HEMK2: variants seen among roughly 807,000 people sequenced by gnomAD.
HEMK2 encodes methyltransferase HEMK2.
chr21:28,658,573 C>A, the HEMK2 span, among the ~76,000 whole-genome samples: 1 of 152,064 alleles, frequency 6.6e-6, no homozygotes, highest in East Asian at 1.9e-4. Context: ...TCCTGCTATT[C>A]TGACTCCTTT....
At chr21:28,696,136 T>G in the HEMK2 span, among the ~76,000 whole-genome samples, 6 of 152,140 alleles carry the variant, frequency 3.9e-5, no homozygotes, top group East Asian at 7.8e-4. Context: ...TCAGATCTTA[T>G]AAGACTTATT....
chr21:28,714,703 T>C, the HEMK2 span, among the ~76,000 whole-genome samples: 2 of 152,210 alleles, frequency 1.3e-5, no homozygotes. Flanking sequence ...GTCACGAGTA[T>C]ATTGCATGAT....
chr21:28,862,552 T>C, the HEMK2 span, among the ~76,000 whole-genome samples: 3 of 130,164 alleles, frequency 2.3e-5, no homozygotes, highest in Non-Finnish European at 4.9e-5. Context: ...GGCAGGAGAA[T>C]GGCGTGAACC....
the HEMK2 span, among the ~76,000 whole-genome samples, chr21:28,880,214 T>C: frequency 6.6e-6 from 1 of 152,214 alleles, no homozygotes; most frequent in Non-Finnish European, 1.5e-5. Context: ...ATATTCTGGG[T>C]TCACTTTTAG....
At chr21:28,667,065 G>T in the HEMK2 span, among the ~76,000 whole-genome samples, 1 of 152,038 alleles carries the variant, frequency 6.6e-6, no homozygotes, top group East Asian at 1.9e-4. Flanking sequence ...CATCTTGTTC[G>T]TAAAGGAAGA....
At chr21:28,853,510 T>C in the HEMK2 span, among the ~76,000 whole-genome samples, 1 of 151,614 alleles carries the variant, frequency 6.6e-6, no homozygotes, top group Non-Finnish European at 1.5e-5. Flanking sequence ...TTTTCAGGTG[T>C]AGCACACCCC....
At chr21:28,795,997 G>A in the HEMK2 span, among the ~76,000 whole-genome samples, 1 of 152,100 alleles carries the variant, frequency 6.6e-6, no homozygotes. Flanking sequence ...CTGTGTCCCA[G>A]GGGGCCTTGT....
the HEMK2 span, among the ~76,000 whole-genome samples, chr21:28,769,979 A>G: frequency 6.6e-6 from 1 of 152,148 alleles, no homozygotes; most frequent in Non-Finnish European, 1.5e-5. Flanking sequence ...GAATGCCTCA[A>G]AGTCATCAGC....
chr21:28,731,901 C>T, the HEMK2 span, among the ~76,000 whole-genome samples: 1 of 152,214 alleles, frequency 6.6e-6, no homozygotes, highest in African/African-American at 2.4e-5. Context: ...CCTGTGCCTG[C>T]AGCCATGAAC....
At chr21:28,737,384 CA>C in the HEMK2 span, among the ~76,000 whole-genome samples, 1 of 152,156 alleles carries the variant, frequency 6.6e-6, no homozygotes, top group African/African-American at 2.4e-5. Flanking sequence ...CTCAGCCTCC[CA>C]AAGTTCTGGG....
chr21:28,686,458 C>A, the HEMK2 span, among the ~76,000 whole-genome samples: 1 of 152,118 alleles, frequency 6.6e-6, no homozygotes, highest in African/African-American at 2.4e-5. Context: ...TGGTCTCGAA[C>A]TCCTGACCTC....
chr21:28,883,072 C>T, the HEMK2 span: 6 of 1,589,580 alleles, frequency 3.8e-6, no homozygotes, highest in Non-Finnish European at 5.1e-6. Flanking sequence ...TATTTCCACT[C>T]TGAAAAAAAA....
At chr21:28,607,279 C>T in the HEMK2 span, among the ~76,000 whole-genome samples, 3 of 152,050 alleles carry the variant, frequency 2.0e-5, no homozygotes, top group Admixed American at 6.6e-5. Flanking sequence ...GGCATGGTGG[C>T]ATGCACCTGT....
the HEMK2 span, among the ~76,000 whole-genome samples, chr21:28,739,260 T>C: frequency 6.6e-6 from 1 of 152,196 alleles, no homozygotes; most frequent in African/African-American, 2.4e-5. Context: ...AGAACACAGG[T>C]CTTTCTCTTT....
the HEMK2 span, among the ~76,000 whole-genome samples, chr21:28,668,799 T>C: frequency 0.028 from 4,231 of 152,302 alleles, 200 homozygotes; most frequent in African/African-American, 0.095. Flanking sequence ...CAAAATCACC[T>C]GGGGAAATTG....
chr21:28,712,940 C>T, the HEMK2 span, among the ~76,000 whole-genome samples: 2 of 152,256 alleles, frequency 1.3e-5, no homozygotes, highest in East Asian at 1.9e-4. Context: ...TAGATACATA[C>T]ATACGAATAT....
the HEMK2 span, among the ~76,000 whole-genome samples, chr21:28,847,830 C>A: frequency 6.6e-6 from 1 of 152,158 alleles, no homozygotes; most frequent in Non-Finnish European, 1.5e-5. Context: ...TTTCAGTTTT[C>A]TGTATGTGGC....
chr21:28,686,580 T>C, the HEMK2 span, among the ~76,000 whole-genome samples: 2 of 152,220 alleles, frequency 1.3e-5, no homozygotes, highest in Non-Finnish European at 2.9e-5. Flanking sequence ...TTTCTTTATA[T>C]AGACAGACAT....
the HEMK2 span, chr21:28,875,006 A>G: frequency 1.3e-5 from 2 of 152,274 alleles, no homozygotes; most frequent in South Asian, 2.1e-4. Flanking sequence ...TGGTACCTGC[A>G]TATCATACAG....
Sources: gnomAD v4.1 joint callset for allele counts (sites outside exome capture counted in the v4.1 genomes callset) on GRCh38, gnomAD v4.1.1 for gene constraint, MANE v1.5 for transcripts, NCBI Gene and HGNC (gene_info 2026-07-23, HGNC 2026-07-21) for gene names.